Variants in UGT1A6 observed in about 807,000 individuals in gnomAD.
UGT1A6 encodes the protein UDP glucuronosyltransferase family 1 member A6.
Under a neutral mutation model 44.4 loss-of-function variants are expected in UGT1A6, and 32 were observed. The observed-to-expected ratio is 0.72, with a 90% CI of 0.54 to 0.97. The LOEUF is 0.97. UGT1A6 is among the 50% of genes least tolerant of loss of function. The pLI is 0.00. For missense variants in UGT1A6, 685 were observed against 661.9 expected, an observed-to-expected ratio of 1.03 and a Z score of -0.38; for synonymous variants, 238 against 248.5, an observed-to-expected ratio of 0.96 and a Z score of 0.40.
chr2:233,760,383 G>A (rs1029837369), intron 1 of UGT1A6: 1 of 1,614,062 alleles, frequency 6.2e-7, no homozygotes, highest in African/African-American at 1.3e-5. Flanking sequence ...AGATACTGTT[G>A]ATCCCAGTGG....
chr2:233,754,974 ACCTCGG>A (rs1369157258), intron 1 of UGT1A6: 6 of 1,299,856 alleles, frequency 4.6e-6, no homozygotes, highest in Non-Finnish European at 6.2e-6. Context: ...CTCCCTGAAG[ACCTCGG>A]CGGGGTCACG....
chr2:233,767,800 A>G (rs1049574519), intron 2 of UGT1A6, 49 bp from the exon 3 acceptor site: 1 of 1,614,072 alleles, frequency 6.2e-7, no homozygotes, highest in African/African-American at 1.3e-5. Context: ...TTTGTTTTCT[A>G]ATCATATTAT....
chr2:233,734,458 A>G lies in UGT1A6; in HGVS notation c.862-32576A>G, dbSNP rs561790564. On this transcript the variant is annotated intron_variant, in intron 1 of 4. Coordinates refer to ENST00000305139, the MANE Select transcript of UGT1A6 (RefSeq NM_001072.4). ...TGCCAGAGGTCTATCAATTTTCAAAATCCATCTCCTGGATTCATTGATTTT... is the reference window on the plus strand; with the variant it reads ...TGCCAGAGGTCTATCAATTTTCAAAGTCCATCTCCTGGATTCATTGATTTT... 1.5e-3 allele frequency among the ~76,000 whole-genome samples: 233 copies of G among 152,160 alleles called. 2 individuals carry two copies. The highest frequency in any genetic ancestry group is 5.3e-3 in the African/African-American group (218 of 41,522).
chr2:233,719,110 C>G, intron 1 of UGT1A6: 1 of 1,614,270 alleles, frequency 6.2e-7, no homozygotes, highest in Non-Finnish European at 8.5e-7. Flanking sequence ...CTGGGCTACA[C>G]TCAAGGGTTC....
intron 4 of UGT1A6, among the ~76,000 whole-genome samples, chr2:233,771,990 C>T (rs1700432517): frequency 6.6e-6 from 1 of 152,154 alleles, no homozygotes; most frequent in African/African-American, 2.4e-5. Flanking sequence ...TGGTGCATGA[C>T]TAATTCCAGC....
chr2:233,695,283 T>G (rs546580338), intron 1 of UGT1A6, among the ~76,000 whole-genome samples: 155 of 152,002 alleles, frequency 1.0e-3, no homozygotes, highest in African/African-American at 3.5e-3. Context: ...GTGCCACCAT[T>G]CCCAGCTAAT....
At chr2:233,714,526 A>T (rs988419180) in intron 1 of UGT1A6, among the ~76,000 whole-genome samples, 1 of 152,254 alleles carries the variant, frequency 6.6e-6, no homozygotes, top group Non-Finnish European at 1.5e-5. Flanking sequence ...GGTTAACTTC[A>T]TGGTCTAATA....
chr2:233,692,873 A>G, upstream of UGT1A6: 2 of 1,491,190 alleles, frequency 1.3e-6, no homozygotes, highest in Middle Eastern at 2.5e-4. Flanking sequence ...ATCAAAGGGT[A>G]AAATTCAGAG....
intron 1 of UGT1A6, among the ~76,000 whole-genome samples, chr2:233,738,330 C>T (rs1690764718): frequency 6.6e-6 from 1 of 152,132 alleles, no homozygotes; most frequent in Admixed American, 6.5e-5. Context: ...TGGACTAATA[C>T]AGTAAATTGG....
Position 233,719,212 on chromosome 2 carries a change from T to C in UGT1A6, c.861+25347T>C, listed in dbSNP as rs1327237440. The C allele has an allele frequency of 1.9e-6, 3 of 1,614,142 alleles. No homozygotes were observed. The African/African-American group carries it at 4.0e-5, about 22-fold the overall frequency. ...GCCCTTCATAGGTGTTGTGTGGAGC[T>C]ACTGCATAATGAGGCCCTGATCAGG... On this transcript the variant is annotated intron_variant, in intron 1 of 4. Transcript: ENST00000305139.
chr2:233,695,167 T>C (rs898009991), intron 1 of UGT1A6, among the ~76,000 whole-genome samples: 3 of 145,396 alleles, frequency 2.1e-5, no homozygotes, highest in East Asian at 2.0e-4. Flanking sequence ...CACTCTGTCA[T>C]CAGGCTGGAG....
intron 1 of UGT1A6, chr2:233,743,701 C>A (rs13009407): frequency 2.9e-6 from 4 of 1,367,150 alleles, no homozygotes; most frequent in South Asian, 2.3e-5. Context: ...CGCCCTCCGC[C>A]CCCGCCTCGC....
At chr2:233,718,263 G>A (rs889677114) in intron 1 of UGT1A6, among the ~76,000 whole-genome samples, 4 of 152,166 alleles carry the variant, frequency 2.6e-5, no homozygotes, top group African/African-American at 9.7e-5. Context: ...ATATCCTGGT[G>A]TGAAAAAAGA....
At chr2:233,698,562 A>G (rs2075448167) in intron 1 of UGT1A6, among the ~76,000 whole-genome samples, 2 of 152,254 alleles carry the variant, frequency 1.3e-5, no homozygotes, top group Admixed American at 6.5e-5. Flanking sequence ...AAACTTTAAG[A>G]ACATGTTTAA....
At chr2:233,704,547 A>ATTACT (rs1423420833) in intron 1 of UGT1A6, among the ~76,000 whole-genome samples, 1 of 152,170 alleles carries the variant, frequency 6.6e-6, no homozygotes, top group African/African-American at 2.4e-5. Flanking sequence ...TGGTGATAAT[A>ATTACT]TTACTTTATA....
At chr2:233,738,215 A>G (rs927290766) in intron 1 of UGT1A6, among the ~76,000 whole-genome samples, 4 of 152,078 alleles carry the variant, frequency 2.6e-5, no homozygotes, top group African/African-American at 9.7e-5. Context: ...TGCCAGGATT[A>G]TAAGTTTCCT....
chr2:233,760,472 C>G lies in UGT1A6; in HGVS notation c.862-6562C>G, dbSNP rs1344623676. 2 of 1,614,230 alleles carry G rather than the reference C, an allele frequency of 1.2e-6. No individual in the cohort carries two copies. The highest frequency in any genetic ancestry group is 1.7e-6 in the Non-Finnish European group (2 of 1,180,034). ...GGACATGAAATAGTTGTCCTAGCACCTGACGCCTCGTTGTACATCAGAGAC... is the reference window on the plus strand; with the variant it reads ...GGACATGAAATAGTTGTCCTAGCACGTGACGCCTCGTTGTACATCAGAGAC... On this transcript the variant is annotated intron_variant, in intron 1 of 4. Coordinates refer to ENST00000305139, the MANE Select transcript of UGT1A6 (RefSeq NM_001072.4).
In UGT1A6 at chr2:233,769,481, G is replaced by A. The variant is rs35791110; in HGVS notation, c.1301+1042G>A. ...TTCATATGCGTGTGTGTGTGTGTGC[G>A]TGTGTTTATGAGAGTGTCCATTGCT... On this transcript the variant is annotated intron_variant, in intron 4 of 4. Coordinates refer to ENST00000305139, the MANE Select transcript of UGT1A6 (RefSeq NM_001072.4). This position sits in a 1 kb window ranked among gnomAD's most constrained non-coding sequence, Gnocchi z 4.4. 5.5e-4 allele frequency: 893 copies of A among 1,612,192 alleles called. 4 individuals are homozygous for A. The African/African-American group carries it at 9.9e-3, about 18-fold the overall frequency.
intron 1 of UGT1A6, among the ~76,000 whole-genome samples, chr2:233,704,138 G>A (rs778432243): frequency 2.6e-5 from 4 of 151,942 alleles, no homozygotes; most frequent in African/African-American, 4.8e-5. Flanking sequence ...TGATCCACCC[G>A]CCTCAGCCTT....
Sources: allele counts gnomAD v4.1 joint callset (sites outside exome capture counted in the v4.1 genomes callset), GRCh38; gene constraint gnomAD v4.1.1; non-coding constraint Gnocchi (gnomAD v3.1); transcripts MANE v1.5; gene names NCBI Gene and HGNC (gene_info 2026-07-23, HGNC 2026-07-21).